Variants in CNTNAP2 observed in about 807,000 individuals in gnomAD.
CNTNAP2 encodes contactin-associated protein-like 2.
In CNTNAP2, 98 loss-of-function variants were observed where a neutral mutation model predicts 155.2. The observed-to-expected ratio is 0.63, with a 90% CI of 0.54 to 0.75. The LOEUF (loss-of-function observed/expected upper bound fraction) is 0.75, where lower values mean the gene tolerates loss of function less well. CNTNAP2 is among the 30% of genes least tolerant of loss of function. CNTNAP2 has a pLI of 0.00. For synonymous variants in CNTNAP2, 651 were observed against 631.2 expected (o/e 1.03, Z -0.47); for missense variants, 1,727 against 1,688.1 (o/e 1.02, Z -0.40).
chr7:147,194,340 A>G (rs150139456), intron 8 of CNTNAP2, among the ~76,000 whole-genome samples: 5,940 of 152,116 alleles, frequency 0.039, 343 homozygotes, highest in African/African-American at 0.13. Context: ...ATTGATGGGC[A>G]TTTGGGTTGG....
At chr7:147,856,057 A>T (rs1414058864) in intron 13 of CNTNAP2, among the ~76,000 whole-genome samples, 1 of 152,114 alleles carries the variant, frequency 6.6e-6, no homozygotes, top group Non-Finnish European at 1.5e-5. Flanking sequence ...GATTAGTTTG[A>T]GGTCGAGGAG....
chr7:147,574,962 G>C (rs150066611), intron 12 of CNTNAP2, among the ~76,000 whole-genome samples: 1 of 152,086 alleles, frequency 6.6e-6, no homozygotes, highest in African/African-American at 2.4e-5. Flanking sequence ...ATTCATGGTC[G>C]AAAGTTGGGT....
At chr7:147,581,895 TG>T (rs1329434627) in intron 12 of CNTNAP2, among the ~76,000 whole-genome samples, 5 of 152,260 alleles carry the variant, frequency 3.3e-5, no homozygotes, top group African/African-American at 1.2e-4. Flanking sequence ...AGTAAGGGCC[TG>T]CCTATTTATA....
chr7:147,712,223 G>C (rs374149064), intron 13 of CNTNAP2, among the ~76,000 whole-genome samples: 1 of 152,030 alleles, frequency 6.6e-6, no homozygotes, highest in Non-Finnish European at 1.5e-5. Context: ...TTAGAATGGC[G>C]GTCATTAAAA....
intron 3 of CNTNAP2, among the ~76,000 whole-genome samples, chr7:146,954,321 G>A (rs1190982724): frequency 6.6e-6 from 1 of 151,878 alleles, no homozygotes; most frequent in African/African-American, 2.4e-5. Context: ...CTTTGCTGGA[G>A]CAGAATGAAT....
At chr7:147,401,570 G>A (rs757441362) in intron 10 of CNTNAP2, among the ~76,000 whole-genome samples, 10 of 152,150 alleles carry the variant, frequency 6.6e-5, no homozygotes, top group Non-Finnish European at 1.3e-4. Context: ...AATGAAAGCA[G>A]TCAAGAAGGA....
intron 1 of CNTNAP2, among the ~76,000 whole-genome samples, chr7:146,582,452 G>A (rs1414703577): frequency 1.3e-5 from 2 of 152,060 alleles, no homozygotes; most frequent in African/African-American, 4.8e-5. Flanking sequence ...CCTAGAGAAT[G>A]CTATAACTGC....
chr7:148,146,778 C>A (rs1017761474), intron 16 of CNTNAP2, among the ~76,000 whole-genome samples: 5 of 152,128 alleles, frequency 3.3e-5, no homozygotes, highest in Non-Finnish European at 7.3e-5. Flanking sequence ...AATAGGTTAC[C>A]CTCATTACAC....
rs1036214602 is a variant in CNTNAP2 at position 146,867,488 on chromosome 7, C to T, written c.402+27584C>T. On this transcript the variant is annotated intron_variant, in intron 3 of 23. Coordinates refer to ENST00000361727, the MANE Select transcript of CNTNAP2 (RefSeq NM_014141.6). ...ATAGTGCTACAATGAACATCACGTG[C>T]ATGTGTCTTTATGGTAGAATGATTT... Among the ~76,000 whole-genome samples the T allele has an allele frequency of 2.6e-5, 4 of 152,178 alleles. No homozygotes were observed. In the South Asian group the frequency reaches 8.3e-4, roughly 32 times the overall value.
At chr7:148,182,599 T>C (rs2116705845) in intron 18 of CNTNAP2, among the ~76,000 whole-genome samples, 1 of 152,368 alleles carries the variant, frequency 6.6e-6, no homozygotes, top group South Asian at 2.1e-4. Flanking sequence ...CCTACCCATT[T>C]TATAGATCAA....
chr7:146,995,909 G>T (rs1477610664), intron 3 of CNTNAP2, among the ~76,000 whole-genome samples: 1 of 151,856 alleles, frequency 6.6e-6, no homozygotes. Context: ...TGCATTTGTT[G>T]TCTGTGTTTT....
chr7:148,409,211 A>G (rs1318926701), intron 22 of CNTNAP2, among the ~76,000 whole-genome samples, 180 bp from the exon 23 acceptor site: 2 of 152,244 alleles, frequency 1.3e-5, no homozygotes, highest in African/African-American at 4.8e-5. Flanking sequence ...AACAGCAGGA[A>G]CAGGGATGGA....
chr7:147,937,901 CGAT>C (rs1800642362), intron 14 of CNTNAP2, among the ~76,000 whole-genome samples: 1 of 151,966 alleles, frequency 6.6e-6, no homozygotes, highest in Non-Finnish European at 1.5e-5. Flanking sequence ...ATGATGATGA[CGAT>C]GATAATAGTA....
At chr7:146,886,609 T>C (rs1472725866) in intron 3 of CNTNAP2, among the ~76,000 whole-genome samples, 2 of 152,034 alleles carry the variant, frequency 1.3e-5, no homozygotes. Context: ...TGTTAATTGA[T>C]GATCACATCT....
intron 1 of CNTNAP2, among the ~76,000 whole-genome samples, chr7:146,212,436 C>T (rs911941593): frequency 6.6e-5 from 10 of 152,138 alleles, no homozygotes; most frequent in African/African-American, 2.4e-4. Flanking sequence ...ACAGAACATT[C>T]AGCCCAGGTA....
At chr7:146,232,679 T>C (rs1799405569) in intron 1 of CNTNAP2, among the ~76,000 whole-genome samples, 1 of 152,176 alleles carries the variant, frequency 6.6e-6, no homozygotes. Context: ...TCTATCTCTC[T>C]AATAACCCTA....
intron 9 of CNTNAP2, among the ~76,000 whole-genome samples, chr7:147,321,944 G>A (rs974129776): frequency 9.2e-5 from 14 of 152,168 alleles, no homozygotes; most frequent in Non-Finnish European, 2.9e-5. Flanking sequence ...TTAACAAGAT[G>A]AAGATTTCTT....
chr7:146,730,561 C>G (rs1439232320), intron 1 of CNTNAP2, among the ~76,000 whole-genome samples: 1 of 152,068 alleles, frequency 6.6e-6, no homozygotes, highest in Non-Finnish European at 1.5e-5. Flanking sequence ...TTTTCTTTTA[C>G]CTGATTCATT....
chr7:147,570,002 G>A (rs1800253287), intron 12 of CNTNAP2, among the ~76,000 whole-genome samples: 1 of 152,174 alleles, frequency 6.6e-6, no homozygotes, highest in Non-Finnish European at 1.5e-5. Context: ...ATTGCTCTCA[G>A]CTCCCAGAAG....
Sources: allele counts gnomAD v4.1 joint callset (sites outside exome capture counted in the v4.1 genomes callset), GRCh38; gene constraint gnomAD v4.1.1; transcripts MANE v1.5; gene names NCBI Gene and HGNC (gene_info 2026-07-23, HGNC 2026-07-21).